Variants in OXR1 observed in about 807,000 individuals in gnomAD.
OXR1 encodes oxidation resistance 1, also known as oxidation resistance protein 1.
OXR1 carries 41 observed loss-of-function variants against 104.6 expected under a neutral mutation model. The ratio of observed to expected loss-of-function variants is 0.39; its 90% CI spans 0.31 to 0.51. The LOEUF is 0.51. Among genes scored for constraint, OXR1 ranks in the 20% least tolerant of loss-of-function variants. The pLI is 0.77. For synonymous variants in OXR1, 348 were observed against 348.4 expected (o/e 1.00, Z 0.01); for missense variants, 955 against 1,031.9 (o/e 0.93, Z 1.02).
intron 1 of OXR1, among the ~76,000 whole-genome samples, chr8:106,302,293 C>CAA (rs1813268866): frequency 6.6e-6 from 1 of 152,034 alleles, no homozygotes; most frequent in African/African-American, 2.4e-5. Flanking sequence ...AAAAAAAAAT[C>CAA]AATAATCAGC....
intron 3 of OXR1, among the ~76,000 whole-genome samples, chr8:106,532,705 A>G (rs538880486): frequency 6.6e-6 from 1 of 152,334 alleles, no homozygotes; most frequent in Non-Finnish European, 1.5e-5. Context: ...TTTCCAGTCA[A>G]TGCTGTGATT....
Position 106,707,107 on chromosome 8 carries a change from C to G in OXR1, c.1586C>G (p.Ala529Gly). Residue 529 changes from alanine to glycine, a missense_variant, in exon 9 of 17, where the codon GCT (alanine) becomes GGT (glycine). Transcript: ENST00000517566. ...ATTCAACAAGTGTCACAAAAAGAAG[C>G]TAAGCATAAAATTACATCTGCTGAT... ...ENIQQVSQKE[A>G]KHKITSADGH... 1 of 1,613,748 alleles carries G rather than the reference C, an allele frequency of 6.2e-7. No homozygotes were observed. The highest frequency in any genetic ancestry group is 8.5e-7 in the Non-Finnish European group (1 of 1,179,758).
intron 3 of OXR1, among the ~76,000 whole-genome samples, chr8:106,649,022 T>C (rs903265256): frequency 1.3e-5 from 2 of 152,104 alleles, no homozygotes; most frequent in African/African-American, 4.8e-5. Flanking sequence ...CTGGGCAACA[T>C]GGCAAAACCC....
chr8:106,393,526 G>GA (rs1012356997), intron 2 of OXR1, among the ~76,000 whole-genome samples: 5 of 151,928 alleles, frequency 3.3e-5, no homozygotes, highest in Admixed American at 1.3e-4. Flanking sequence ...ACAGTCGATA[G>GA]AAAAAAACAT....
chr8:106,482,576 T>C (rs867268250), intron 2 of OXR1, among the ~76,000 whole-genome samples: 2 of 152,078 alleles, frequency 1.3e-5, no homozygotes, highest in African/African-American at 4.8e-5. Context: ...GCATAGTTTT[T>C]GGCCCATGGT....
At chr8:106,588,494 CTT>C (rs55837142) in intron 3 of OXR1, among the ~76,000 whole-genome samples, 2 of 145,034 alleles carry the variant, frequency 1.4e-5, no homozygotes, top group African/African-American at 2.5e-5. Context: ...TTCTCATTTA[CTT>C]TTTTTTTTTT....
At position 106,502,817 on chromosome 8, in the gene OXR1, T is replaced by C. The variant is rs185314806; in HGVS notation, c.24-16126T>C. 2.6e-5 allele frequency among the ~76,000 whole-genome samples: 4 copies of C among 152,298 alleles called. No homozygotes were observed. In the East Asian group the frequency reaches 7.7e-4, roughly 29 times the overall value. ...GTTTTTTCTAATCCCAGGCTCACTT[T>C]TCTCTTATTGTAATTATTCTCAATA... On this transcript the variant is annotated intron_variant, in intron 2 of 16. Transcript: ENST00000517566.
At chr8:106,297,732 A>G (rs1156379805) in intron 1 of OXR1, among the ~76,000 whole-genome samples, 1 of 152,182 alleles carries the variant, frequency 6.6e-6, no homozygotes, top group East Asian at 1.9e-4. Context: ...GCTGTTTCCA[A>G]ATAGTTTCTT....
At chr8:106,383,287 A>T (rs1353321814) in intron 2 of OXR1, among the ~76,000 whole-genome samples, 2 of 152,160 alleles carry the variant, frequency 1.3e-5, no homozygotes, top group Admixed American at 6.6e-5. Flanking sequence ...AGTTTCCATG[A>T]GTTTCACATA....
At chr8:106,667,303 A>T (rs1321486804) in intron 3 of OXR1, among the ~76,000 whole-genome samples, 1 of 152,218 alleles carries the variant, frequency 6.6e-6, no homozygotes. Context: ...GAAGGACTCT[A>T]CATCATTCTG....
chr8:106,653,548 G>A (rs187017385), intron 3 of OXR1, among the ~76,000 whole-genome samples: 306 of 151,920 alleles, frequency 2.0e-3, no homozygotes, highest in African/African-American at 6.9e-3. Flanking sequence ...AAAATCTAAC[G>A]TCATTTATGA....
chr8:106,419,706 G>C (rs1233777585), intron 2 of OXR1, among the ~76,000 whole-genome samples: 1 of 152,016 alleles, frequency 6.6e-6, no homozygotes, highest in Non-Finnish European at 1.5e-5. Flanking sequence ...TTTCTTATTT[G>C]GGCAGTAACT....
chr8:106,321,028 G>A (rs1443528295), intron 1 of OXR1, among the ~76,000 whole-genome samples: 2 of 152,174 alleles, frequency 1.3e-5, no homozygotes, highest in Admixed American at 6.5e-5. Flanking sequence ...AATGCTGAAA[G>A]TATTGATTAA....
At chr8:106,549,978 G>A (rs894471270) in intron 3 of OXR1, among the ~76,000 whole-genome samples, 2 of 152,178 alleles carry the variant, frequency 1.3e-5, no homozygotes, top group Admixed American at 6.5e-5. Flanking sequence ...AACTCTTAGT[G>A]TCTGCCTGGC....
chr8:106,740,620 A>G, intron 14 of OXR1, 125 bp downstream of exon 14: 1 of 759,268 alleles, frequency 1.3e-6, no homozygotes, highest in Admixed American at 2.6e-5. Context: ...ATTACTGGGT[A>G]CTTTTAATAT....
chr8:106,337,904 CT>C (rs2130252010), intron 1 of OXR1, among the ~76,000 whole-genome samples: 1 of 152,212 alleles, frequency 6.6e-6, no homozygotes, highest in South Asian at 2.1e-4. Context: ...ATAATAGCTA[CT>C]TAAAACACTA....
In OXR1 at chr8:106,736,165, A is replaced by ACCC. The variant is rs5893803; in HGVS notation, c.1957-1348_1957-1346dup. On this transcript the variant is annotated intron_variant, in intron 11 of 16. Coordinates refer to ENST00000517566, the MANE Select transcript of OXR1 (RefSeq NM_001198533.2). The stretch of plus-strand genomic sequence containing the variant: ...AATGGGGAACCCAGGTTTATCTGAC[A>ACCC]CCCCCCCCCATCCGCCCCCAGAGCT... Among the ~76,000 whole-genome samples, 139 of 145,660 alleles carry ACCC rather than the reference A, an allele frequency of 9.5e-4. No individual in the cohort carries two copies. In the Middle Eastern group the frequency reaches 0.018, roughly 19 times the overall value.
At chr8:106,701,878 G>A (rs144908232) in intron 7 of OXR1, among the ~76,000 whole-genome samples, 1 of 152,338 alleles carries the variant, frequency 6.6e-6, no homozygotes, top group African/African-American at 2.4e-5. Context: ...AAATATTCAT[G>A]TTAGTATGAT....
At chr8:106,503,035 C>T (rs1811913507) in intron 2 of OXR1, among the ~76,000 whole-genome samples, 1 of 151,892 alleles carries the variant, frequency 6.6e-6, no homozygotes, top group African/African-American at 2.4e-5. Context: ...CTTTTTATGC[C>T]CCAAAGGATA....
Sources: gnomAD v4.1 joint callset for allele counts (sites outside exome capture counted in the v4.1 genomes callset) on GRCh38, gnomAD v4.1.1 for gene constraint, MANE v1.5 for transcripts, NCBI Gene and HGNC (gene_info 2026-07-23, HGNC 2026-07-21) for gene names.